UTRN: variants seen among roughly 807,000 people sequenced by gnomAD.
The protein encoded by UTRN is utrophin.
In UTRN, 283 loss-of-function variants were observed where a neutral mutation model predicts 463.9. That is an observed-to-expected ratio of 0.61 (90% CI 0.55 to 0.67). The LOEUF is 0.67. Ranked by LOEUF, UTRN falls within the 30% of genes least tolerant of loss-of-function variation. UTRN has a pLI of 0.00. For synonymous variants in UTRN, 1,442 were observed against 1,431.5 expected (o/e 1.01, Z -0.17); for missense variants, 3,922 against 4,084.3 (o/e 0.96, Z 1.08).
chr6:144,440,590 C>T, intron 13 of UTRN, 119 bp downstream of exon 13: 4 of 1,345,306 alleles, frequency 3.0e-6, no homozygotes, highest in South Asian at 1.3e-5. Context: ...GAAAAACCTA[C>T]CTTTGATTGT....
At chr6:144,708,121 G>T in intron 53 of UTRN, 2 of 316,110 alleles carry the variant, frequency 6.3e-6, no homozygotes, top group South Asian at 4.3e-5. Context: ...TTTCAGTAAA[G>T]ATAACTTATT....
intron 50 of UTRN, among the ~76,000 whole-genome samples, chr6:144,561,513 CA>C (rs1799920973): frequency 6.6e-6 from 1 of 151,780 alleles, no homozygotes; most frequent in Non-Finnish European, 1.5e-5. Flanking sequence ...TCTTAGAAAT[CA>C]CTAATTACTC....
chr6:144,850,968 TG>T lies in UTRN; in HGVS notation c.10294-20del. 6.2e-7 allele frequency: 1 copy of T among 1,613,590 alleles called. No individual in the cohort carries two copies. Among genetic ancestry groups the T allele is most frequent in the Non-Finnish European group, 8.5e-7 (1 of 1,179,566 alleles). ...AATGTTTTGTGCAAATTTCTGACAG[TG>T]CTATTTTCCCTTCCCATAGGCAATG... On this transcript the variant is annotated intron_variant, in intron 74 of 74. Coordinates refer to ENST00000367545, the MANE Select transcript of UTRN (RefSeq NM_007124.3).
Position 144,851,134 on chromosome 6 carries a change from TG to T in UTRN, c.*138del, listed in dbSNP as rs1782456575. The T allele has an allele frequency of 9.0e-7, 1 of 1,112,246 alleles. No individual in the cohort carries two copies. Among genetic ancestry groups the T allele is most frequent in the African/African-American group, 1.5e-5 (1 of 64,708 alleles). The allele number at this position is 1,112,246 out of a possible 1,614,324, so 68.9% of individuals were successfully genotyped here. On this transcript the variant is annotated 3_prime_UTR_variant, in exon 75 of 75. Coordinates refer to ENST00000367545, the MANE Select transcript of UTRN (RefSeq NM_007124.3). ...GTTGAGTGCTGACTGTGTGTTCTAC[TG>T]AAAGAGTAAAACACTGACTATCCAA...
chr6:144,368,071 C>T (rs1022937721), intron 2 of UTRN, among the ~76,000 whole-genome samples: 1 of 152,006 alleles, frequency 6.6e-6, no homozygotes, highest in African/African-American at 2.4e-5. Flanking sequence ...TGAGCCACTG[C>T]ACCCCGCCTT....
Position 144,659,985 on chromosome 6 carries a change from C to A in UTRN, c.7480-18421C>A, listed in dbSNP as rs141266404. On this transcript the variant is annotated intron_variant, in intron 51 of 74. Coordinates refer to ENST00000367545, the MANE Select transcript of UTRN (RefSeq NM_007124.3). ...ACACAGCTACCAGGAAATACAGAAGCAGGTCTATTCCTTGCGAACTCCGAA... is the reference window on the plus strand; with the variant it reads ...ACACAGCTACCAGGAAATACAGAAGAAGGTCTATTCCTTGCGAACTCCGAA... 8.7e-4 allele frequency: 255 copies of A among 292,300 alleles called. 5 individuals carry two copies. The highest frequency in any genetic ancestry group is 9.6e-5 in the Non-Finnish European group (14 of 145,262). 18.1% of individuals were successfully genotyped at this position (292,300 alleles called of 1,614,324 possible). A position where few individuals can be genotyped will look rare whatever the true frequency, so the allele number is the denominator to read the frequency against.
intron 2 of UTRN, among the ~76,000 whole-genome samples, chr6:144,320,098 C>T (rs543700544): frequency 4.0e-5 from 6 of 150,334 alleles, no homozygotes; most frequent in Admixed American, 2.0e-4. Context: ...GTGATCCGCC[C>T]GCCTCCGCCT....
At chr6:144,445,351 CAAAAAAAA>C in intron 14 of UTRN, among the ~76,000 whole-genome samples, 1 of 106,504 alleles carries the variant, frequency 9.4e-6, no homozygotes, top group East Asian at 3.2e-4. Context: ...GACTCCCTCT[CAAAAAAAA>C]AAAAAAAAAA....
At chr6:144,657,920 C>A (rs570199097) in intron 51 of UTRN, among the ~76,000 whole-genome samples, 16 of 151,880 alleles carry the variant, frequency 1.1e-4, no homozygotes, top group Non-Finnish European at 1.8e-4. Context: ...GGTGCTGGTG[C>A]TGGTGGTTTC....
intron 46 of UTRN, among the ~76,000 whole-genome samples, chr6:144,543,694 A>C (rs72999748): frequency 2.7e-5 from 4 of 147,856 alleles, no homozygotes; most frequent in Admixed American, 2.7e-4. Context: ...TACCTCTTCT[A>C]CCTCTTTTTT....
At chr6:144,659,989 T>G (rs950712574) in intron 51 of UTRN, 2 of 337,410 alleles carry the variant, frequency 5.9e-6, no homozygotes, top group Admixed American at 3.8e-5. Flanking sequence ...CAGAAGCAGG[T>G]CTATTCCTTG....
At chr6:144,784,057 G>T (rs928267281) in intron 61 of UTRN, among the ~76,000 whole-genome samples, 1 of 152,114 alleles carries the variant, frequency 6.6e-6, no homozygotes, top group Non-Finnish European at 1.5e-5. Flanking sequence ...TTGGTCAAAG[G>T]TGTTTTAACT....
At chr6:144,639,988 T>C (rs1003550766) in intron 51 of UTRN, among the ~76,000 whole-genome samples, 42 of 152,074 alleles carry the variant, frequency 2.8e-4, no homozygotes, top group African/African-American at 9.7e-4. Flanking sequence ...GTGCCAGAGA[T>C]GATGCAGACA....
intron 2 of UTRN, among the ~76,000 whole-genome samples, chr6:144,395,364 G>A (rs1290328968): frequency 6.7e-6 from 1 of 149,774 alleles, no homozygotes; most frequent in Non-Finnish European, 1.5e-5. Flanking sequence ...TTCTGCATTT[G>A]CAACACATAT....
intron 51 of UTRN, among the ~76,000 whole-genome samples, chr6:144,578,978 G>A (rs1250517742): frequency 1.3e-5 from 2 of 152,154 alleles, no homozygotes; most frequent in Non-Finnish European, 2.9e-5. Context: ...TCACTGAAAA[G>A]TTACACAATT....
intron 45 of UTRN, among the ~76,000 whole-genome samples, chr6:144,541,381 G>A (rs1797965218): frequency 6.6e-6 from 1 of 152,112 alleles, no homozygotes; most frequent in Admixed American, 6.5e-5. Flanking sequence ...GGTATCAGTG[G>A]GTATTCTGCA....
chr6:144,368,202 C>T (rs1331697048), intron 2 of UTRN, among the ~76,000 whole-genome samples: 5 of 152,098 alleles, frequency 3.3e-5, no homozygotes, highest in Non-Finnish European at 5.9e-5. Flanking sequence ...GGAATTATCA[C>T]GTGGACATTG....
At chr6:144,550,628 G>A (rs1798822996) in intron 47 of UTRN, among the ~76,000 whole-genome samples, 1 of 152,110 alleles carries the variant, frequency 6.6e-6, no homozygotes, top group Admixed American at 6.6e-5. Context: ...TGTTTTCAGG[G>A]CATTTTTCAG....
At chr6:144,802,089 T>C (rs572163472) in intron 64 of UTRN, among the ~76,000 whole-genome samples, 5 of 152,310 alleles carry the variant, frequency 3.3e-5, no homozygotes, top group Admixed American at 1.3e-4. Flanking sequence ...AAAGAGAGAA[T>C]GGCTATCTGC....
Sources: allele counts gnomAD v4.1 joint callset (sites outside exome capture counted in the v4.1 genomes callset), GRCh38; gene constraint gnomAD v4.1.1; transcripts MANE v1.5; gene names NCBI Gene and HGNC (gene_info 2026-07-23, HGNC 2026-07-21).